LCORL: variants seen among roughly 807,000 people sequenced by gnomAD.
The protein encoded by LCORL is ligand dependent nuclear receptor corepressor like, also known as ligand-dependent nuclear receptor corepressor-like protein.
LCORL carries 41 observed loss-of-function variants against 141.8 expected under a neutral mutation model. The ratio of observed to expected loss-of-function variants is 0.29; its 90% CI spans 0.23 to 0.38. LCORL has a LOEUF of 0.38. Among genes scored for constraint, LCORL ranks in the 10% least tolerant of loss-of-function variants. The pLI, the probability that LCORL is intolerant of heterozygous loss-of-function variation, is 1.00. For missense variants in LCORL, 1,759 were observed against 2,035.0 expected (o/e 0.86, Z 2.61); for synonymous variants, 618 against 694.1 (o/e 0.89, Z 1.72).
At chr4:17,847,199 T>C (rs1025917223) in intron 7 of LCORL, among the ~76,000 whole-genome samples, 12 of 152,202 alleles carry the variant, frequency 7.9e-5, no homozygotes, top group African/African-American at 2.7e-4. Flanking sequence ...AGCTCTCTAA[T>C]TCACTTGACA....
At chr4:17,989,313 T>C (rs1465309537) in intron 1 of LCORL, among the ~76,000 whole-genome samples, 3 of 152,248 alleles carry the variant, frequency 2.0e-5, no homozygotes, top group Admixed American at 6.5e-5. Flanking sequence ...CATAGATTTT[T>C]TGTAGATATC....
chr4:17,896,347 A>C (rs544459623), intron 5 of LCORL, among the ~76,000 whole-genome samples: 1 of 152,036 alleles, frequency 6.6e-6, no homozygotes, highest in African/African-American at 2.4e-5. Context: ...GCAATGGCAC[A>C]ATCTCAGCTC....
chr4:17,904,608 T>G (rs1731340477), intron 5 of LCORL, among the ~76,000 whole-genome samples: 1 of 152,098 alleles, frequency 6.6e-6, no homozygotes, highest in Non-Finnish European at 1.5e-5. Context: ...CTTATCCCCC[T>G]TTTGGGTAAT....
chr4:17,975,513 C>T (rs1019820950), intron 1 of LCORL, among the ~76,000 whole-genome samples: 2 of 151,996 alleles, frequency 1.3e-5, no homozygotes, highest in Non-Finnish European at 2.9e-5. Flanking sequence ...TCTCCTGCCT[C>T]AGCCTCCTGA....
At chr4:17,863,478 A>G (rs1725253293) in intron 7 of LCORL, among the ~76,000 whole-genome samples, 2 of 152,262 alleles carry the variant, frequency 1.3e-5, no homozygotes, top group African/African-American at 4.8e-5. Context: ...GCTATTATTA[A>G]AAAGCCAAAA....
In LCORL at chr4:17,874,347, T is replaced by C. The variant is rs1013652579; in HGVS notation, c.4643A>G (p.Asn1548Ser). The C allele has an allele frequency of 1.5e-5, 19 of 1,233,932 alleles. No homozygotes were observed. The Middle Eastern group carries it at 2.5e-3, about 161-fold the overall frequency. 76.4% of individuals were successfully genotyped at this position (1,233,932 alleles called of 1,614,324 possible). A position where few individuals can be genotyped will look rare whatever the true frequency, so the allele number is the denominator to read the frequency against. Residue 1548 changes from asparagine to serine, a missense_variant, in exon 7 of 8, where the codon AAT (asparagine) becomes AGT (serine). Asn to Ser is a conservative substitution (Grantham distance 46). Around this residue, in one of 5 missense-constraint regions of LCORL, gnomAD observed 39 missense variants for 81.1 expected, o/e 0.48. Coordinates refer to ENST00000635767, the Ensembl canonical transcript of LCORL. Reference sequence around the variant, plus strand: ...AAAGTGCTTTCTGAAGGGGCTGGCATTAAAGTCAGAATATTTGGTCCCTAA... The same window carrying C: ...AAAGTGCTTTCTGAAGGGGCTGGCACTAAAGTCAGAATATTTGGTCCCTAA...
chr4:18,003,330 G>T (rs939730455), intron 1 of LCORL, among the ~76,000 whole-genome samples: 3 of 152,188 alleles, frequency 2.0e-5, no homozygotes, highest in African/African-American at 7.2e-5. Context: ...AAAATAAAGG[G>T]AAATGAATGG....
chr4:18,011,029 G>C (rs1006140852), intron 1 of LCORL, among the ~76,000 whole-genome samples: 26 of 152,120 alleles, frequency 1.7e-4, no homozygotes, highest in African/African-American at 6.0e-4. Context: ...TCTTGCCCCT[G>C]GGGTTGAGCT....
Position 17,961,902 on chromosome 4 carries a change from C to T in LCORL, c.430+1G>A, listed in dbSNP as rs1481513024. ...TAAATGACAAAGCATACCAATATTACCTTTCTTTCGAAAGAGTGCATTTAG... is the reference window on the plus strand; with the variant it reads ...TAAATGACAAAGCATACCAATATTATCTTTCTTTCGAAAGAGTGCATTTAG... On this transcript the variant is annotated splice_donor_variant, in intron 4 of 7. Transcript: ENST00000635767. LOFTEE classifies it high-confidence loss of function. 1 of 1,605,110 alleles carries T rather than the reference C, an allele frequency of 6.2e-7. No homozygotes were observed. Among genetic ancestry groups the T allele is most frequent in the Non-Finnish European group, 8.5e-7 (1 of 1,176,212 alleles).
chr4:17,917,022 G>C (rs996956077), intron 4 of LCORL, among the ~76,000 whole-genome samples: 3 of 152,038 alleles, frequency 2.0e-5, no homozygotes, highest in Non-Finnish European at 4.4e-5. Flanking sequence ...TGTCACCCAG[G>C]CTGGGGTGCA....
chr4:17,877,911 G>A (rs1186455084), exon 7 of LCORL: 2 of 1,230,510 alleles, frequency 1.6e-6, no homozygotes, highest in Non-Finnish European at 2.0e-6. Context: ...GACTGGCAGA[G>A]GTTCTAAACC....
At chr4:17,893,796 GTTAT>G (rs1031661208) in intron 5 of LCORL, among the ~76,000 whole-genome samples, 4 of 151,974 alleles carry the variant, frequency 2.6e-5, no homozygotes, top group East Asian at 1.9e-4. Flanking sequence ...TGATTCTAAG[GTTAT>G]TTATTTATTT....
chr4:17,951,365 G>C (rs2109538618), intron 4 of LCORL, among the ~76,000 whole-genome samples: 2 of 152,210 alleles, frequency 1.3e-5, no homozygotes, highest in South Asian at 4.1e-4. Context: ...TACAATTTTA[G>C]ATTGTTCTTT....
chr4:18,010,330 TAC>T (rs1187604203), intron 1 of LCORL, among the ~76,000 whole-genome samples: 6 of 152,128 alleles, frequency 3.9e-5, no homozygotes, highest in Non-Finnish European at 7.4e-5. Context: ...GTTTAAAAAA[TAC>T]AGTTGTTCCA....
At chr4:17,876,320 T>C in exon 7 of LCORL, 2 of 1,231,034 alleles carry the variant, frequency 1.6e-6, no homozygotes, top group Non-Finnish European at 2.0e-6. Context: ...AGCTCTGTTC[T>C]TTGCATGTCA....
intron 1 of LCORL, among the ~76,000 whole-genome samples, chr4:17,996,690 A>G (rs921880378): frequency 2.0e-5 from 3 of 151,110 alleles, no homozygotes; most frequent in Non-Finnish European, 4.4e-5. Context: ...TCATAAATTG[A>G]AAAAAAAAGT....
chr4:18,012,382 G>A (rs1389313675), intron 1 of LCORL, among the ~76,000 whole-genome samples: 1 of 152,134 alleles, frequency 6.6e-6, no homozygotes, highest in East Asian at 1.9e-4. Flanking sequence ...AGGCAGTAGG[G>A]CAATCTAATG....
At chr4:17,900,035 A>G (rs913336484) in intron 5 of LCORL, among the ~76,000 whole-genome samples, 2 of 152,146 alleles carry the variant, frequency 1.3e-5, no homozygotes, top group African/African-American at 2.4e-5. Context: ...CTTAACCCAT[A>G]TAACAAATTT....
intron 1 of LCORL, among the ~76,000 whole-genome samples, chr4:17,981,453 AT>A (rs1717970075): frequency 6.6e-6 from 1 of 152,132 alleles, no homozygotes; most frequent in African/African-American, 2.4e-5. Flanking sequence ...TATTTTAAAT[AT>A]TCTACTTTCA....
Sources: allele counts gnomAD v4.1 joint callset (sites outside exome capture counted in the v4.1 genomes callset), GRCh38; gene constraint gnomAD v4.1.1; regional missense constraint gnomAD v4.1.1; transcripts MANE v1.5; gene names NCBI Gene and HGNC (gene_info 2026-07-23, HGNC 2026-07-21).